The following URB1 variants were observed in gnomAD, a reference collection of about 807,000 sequenced individuals.
URB1 encodes URB1 ribosome biogenesis factor, also known as nucleolar pre-ribosomal-associated protein 1.
In URB1, 197 loss-of-function variants were observed where a neutral mutation model predicts 242.3. The ratio of observed to expected loss-of-function variants is 0.81; its 90% CI spans 0.72 to 0.91. The LOEUF (loss-of-function observed/expected upper bound fraction) is 0.91. Among genes scored for constraint, URB1 ranks in the 40% least tolerant of loss-of-function variants. The pLI is 0.00. For synonymous variants in URB1, 1,153 were observed against 1,201.8 expected (o/e 0.96, Z 0.84); for missense variants, 2,721 against 2,860.5 (o/e 0.95, Z 1.11).
rs768098555 is a variant in URB1, at chr21:32,354,036, C to T, written c.2313G>A (p.Thr771=). Reference sequence around the variant, plus strand: ...TGAGCAGGATCATGTCTTCACTCAACGTGAACCCTATTTCCTCATCCAAGC... The same window carrying T: ...TGAGCAGGATCATGTCTTCACTCAATGTGAACCCTATTTCCTCATCCAAGC... ...SEGLDEEIGF[T]LSEDMILLTF... The change falls in exon 18 of 39, where the codon ACG becomes ACA. Residue 771 remains threonine (T), a synonymous_variant. Transcript: ENST00000382751. 1.2e-4 allele frequency: 181 copies of T among 1,551,642 alleles called. No homozygotes were observed. The highest frequency in any genetic ancestry group is 1.5e-4 in the Non-Finnish European group (168 of 1,147,020).
At chr21:32,388,886 C>T (rs2033611082) in intron 1 of URB1, among the ~76,000 whole-genome samples, 1 of 152,198 alleles carries the variant, frequency 6.6e-6, no homozygotes. Flanking sequence ...ATTTACTGGG[C>T]ACCTACCAGG....
chr21:32,322,788 A>C (rs2032783120), intron 32 of URB1, among the ~76,000 whole-genome samples: 1 of 152,198 alleles, frequency 6.6e-6, no homozygotes, highest in African/African-American at 2.4e-5. Flanking sequence ...TTGCTCTCCT[A>C]GCTCTGAAAC....
At chr21:32,347,953 A>C in intron 21 of URB1, 142 bp from the exon 22 acceptor site, 1 of 1,342,026 alleles carries the variant, frequency 7.5e-7, no homozygotes, top group Middle Eastern at 2.4e-4. Context: ...CCTCAAGCCT[A>C]CATTTCCATG....
intron 35 of URB1, among the ~76,000 whole-genome samples, chr21:32,319,971 G>C (rs117893129): frequency 0.013 from 1,969 of 152,254 alleles, 33 homozygotes; most frequent in Non-Finnish European, 0.014. Flanking sequence ...TGTCTGCTGT[G>C]ACAGGGTCTT....
Position 32,353,945 on chromosome 21 carries a change from C to G in URB1, c.2404G>C (p.Gly802Arg), listed in dbSNP as rs1372867919. The change falls in exon 18 of 39, where the codon GGC (glycine) becomes CGC (arginine). Residue 802 changes from glycine to arginine, a missense_variant. Coordinates refer to ENST00000382751, the MANE Select transcript of URB1 (RefSeq NM_014825.3). ...EARNKLLLGT[G>R]NEAAENVVTY... ...TATACATAGGTACCTGCTTCATTGC[C>G]TGTCCCAAGGAGCAACTTATTCCTG... 4 of 1,551,618 alleles carry G rather than the reference C, an allele frequency of 2.6e-6. No individual in the cohort carries two copies. Among genetic ancestry groups the G allele is most frequent in the African/African-American group, 2.7e-5 (2 of 73,054 alleles).
At chr21:32,354,216 C>T (rs2123589310) in intron 17 of URB1, 113 bp from the exon 18 acceptor site, 8 of 1,211,438 alleles carry the variant, frequency 6.6e-6, no homozygotes, top group Non-Finnish European at 9.1e-6. Context: ...AAGCCAAATT[C>T]CTCTTGGGGG....
intron 2 of URB1, 83 bp from the exon 3 acceptor site, chr21:32,384,547 A>G: frequency 3.4e-6 from 5 of 1,476,132 alleles, no homozygotes; most frequent in Non-Finnish European, 4.5e-6. Flanking sequence ...TCTTAGCCAT[A>G]GTTACTTGTA....
At position 32,317,820 on chromosome 21, in the gene URB1, T is replaced by G. The variant is rs528483805; in HGVS notation, c.5890A>C (p.Asn1964His). ...ATVIQAFRDM[N>H]RFTVNETVLS... ...ACTGTCTCATTTACGGTGAATCTGT[T>G]CATGTCCCTAAAGGCCTGTATGACA... Residue 1964 changes from asparagine (N) to histidine (H), a missense_variant, in exon 37 of 39, where the codon AAC (asparagine) becomes CAC (histidine). Coordinates refer to ENST00000382751, the MANE Select transcript of URB1 (RefSeq NM_014825.3). 18 of 1,551,956 alleles carry G rather than the reference T, an allele frequency of 1.2e-5. No homozygotes were observed. The East Asian group carries it at 4.4e-4, about 38-fold the overall frequency.
chr21:32,388,282 T>C (rs1185002241), intron 1 of URB1, among the ~76,000 whole-genome samples: 1 of 152,144 alleles, frequency 6.6e-6, no homozygotes, highest in Non-Finnish European at 1.5e-5. Context: ...ACAGGGTTTG[T>C]ATGAAGCGTA....
chr21:32,350,280 A>C (rs1428599205), intron 20 of URB1, among the ~76,000 whole-genome samples: 1 of 152,188 alleles, frequency 6.6e-6, no homozygotes. Context: ...CAAAAAACAC[A>C]AAAATTAGCT....
At chr21:32,367,341 C>A (rs907774750) in intron 9 of URB1, among the ~76,000 whole-genome samples, 1 of 152,182 alleles carries the variant, frequency 6.6e-6, no homozygotes, top group Non-Finnish European at 1.5e-5. Flanking sequence ...TCATCAGATG[C>A]AGCTCCTAGT....
At chr21:32,351,106 T>C (rs2033152664) in intron 19 of URB1, among the ~76,000 whole-genome samples, 184 bp from the exon 20 acceptor site, 1 of 152,228 alleles carries the variant, frequency 6.6e-6, no homozygotes, top group African/African-American at 2.4e-5. Context: ...TACCATGTCA[T>C]GCGTACTTTC....
intron 10 of URB1, among the ~76,000 whole-genome samples, chr21:32,365,376 A>C (rs968825043): frequency 1.3e-5 from 2 of 152,124 alleles, no homozygotes; most frequent in Admixed American, 1.3e-4. Flanking sequence ...ACTTGGGTCC[A>C]AGAGTTTGAC....
intron 14 of URB1, among the ~76,000 whole-genome samples, chr21:32,358,674 C>G (rs1447601933): frequency 1.1e-4 from 17 of 152,176 alleles, no homozygotes; most frequent in Non-Finnish European, 2.4e-4. Context: ...AATTATGAGG[C>G]CTCTGTTCAC....
In URB1 at chr21:32,320,569, A is replaced by G. The variant is rs375456657; in HGVS notation, c.5556T>C (p.Tyr1852=). Residue 1852 remains tyrosine, a synonymous_variant, in exon 35 of 39, where the codon TAT becomes TAC. Coordinates refer to ENST00000382751, the MANE Select transcript of URB1 (RefSeq NM_014825.3). ...TGTGTAAAATCCATGTTAAAAGGCT[A>G]TAGTCTCGTATGATTTCATACGCAG... ...ARSAYEIIRD[Y]SLLTWILHIL... 8.2e-5 allele frequency: 128 copies of G among 1,552,068 alleles called. No homozygotes were observed. The African/African-American group carries it at 1.5e-3, about 19-fold the overall frequency.
Position 32,333,423 on chromosome 21 carries a change from A to C in URB1, c.4858-4T>G, listed in dbSNP as rs894398404. ...TGAATATCAGCTCCTGTGTGTCCTG[A>C]AAGAGCCAAAATCAACAAAAACGTG... On this transcript the variant is annotated splice_region_variant and splice_polypyrimidine_tract_variant and intron_variant, in intron 29 of 38. Transcript: ENST00000382751. The C allele has an allele frequency of 1.3e-6, 2 of 1,549,602 alleles. No homozygotes were observed. Among genetic ancestry groups the C allele is most frequent in the Admixed American group, 3.9e-5 (2 of 50,742 alleles).
intron 28 of URB1, among the ~76,000 whole-genome samples, chr21:32,336,113 C>T (rs986511143): frequency 3.3e-5 from 5 of 152,254 alleles, no homozygotes; most frequent in African/African-American, 7.2e-5. Context: ...GCACCAGCTC[C>T]GACGTCAAAA....
At chr21:32,383,653 T>A in intron 3 of URB1, 99 bp from the exon 4 acceptor site, 1 of 1,306,432 alleles carries the variant, frequency 7.7e-7, no homozygotes. Context: ...TGTTATTTGC[T>A]ATCCCCAAAC....
rs1361403777 is a variant in URB1 at position 32,392,939 on chromosome 21, C to T, written c.-29G>A. On this transcript the variant is annotated 5_prime_UTR_variant, in exon 1 of 39. Transcript: ENST00000382751. The stretch of plus-strand genomic sequence containing the variant: ...CGAGAGGGCGGAAGCGCGACGGAAA[C>T]GACACACCTGAGGGGACCCGGCAGG... The T allele has an allele frequency of 6.7e-7, 1 of 1,490,226 alleles. No homozygotes were observed. The highest frequency in any genetic ancestry group is 2.2e-5 in the Admixed American group (1 of 46,376). 92.3% of individuals were successfully genotyped at this position (1,490,226 alleles called of 1,614,324 possible). A position where few individuals can be genotyped will look rare whatever the true frequency, so the allele number is the denominator to read the frequency against.
Sources: gnomAD v4.1 joint callset for allele counts (sites outside exome capture counted in the v4.1 genomes callset) on GRCh38, gnomAD v4.1.1 for gene constraint, MANE v1.5 for transcripts, NCBI Gene and HGNC (gene_info 2026-07-23, HGNC 2026-07-21) for gene names.